The following DPH6 variants were observed in gnomAD, a reference collection of about 807,000 sequenced individuals.
DPH6 encodes diphthamine biosynthesis 6.
DPH6 carries 33 observed loss-of-function variants against 38.2 expected under a neutral mutation model. The ratio of observed to expected loss-of-function variants is 0.86; its 90% CI spans 0.65 to 1.15. The LOEUF (loss-of-function observed/expected upper bound fraction) is 1.15, where lower values mean the gene tolerates loss of function less well. Among genes scored for constraint, DPH6 ranks in the 50% most tolerant of loss-of-function variants. The pLI is 0.00. For synonymous variants in DPH6, 108 were observed against 103.0 expected, an observed-to-expected ratio of 1.05 and a Z score of -0.30; for missense variants, 325 against 320.0, an observed-to-expected ratio of 1.02 and a Z score of -0.12.
At chr15:35,381,121 C>G (rs908473024) in intron 7 of DPH6, among the ~76,000 whole-genome samples, 2 of 152,078 alleles carry the variant, frequency 1.3e-5, no homozygotes, top group African/African-American at 2.4e-5. Flanking sequence ...AATACTGAAG[C>G]CTTCCATTCA....
chr15:35,361,938 T>A (rs2052617901), intron 3 of DPH6, among the ~76,000 whole-genome samples: 1 of 151,906 alleles, frequency 6.6e-6, no homozygotes, highest in Admixed American at 6.5e-5. Context: ...TAGATTTTCA[T>A]TTTTTCAGAG....
chr15:35,410,098 G>A (rs1441308027), intron 6 of DPH6, among the ~76,000 whole-genome samples: 1 of 151,782 alleles, frequency 6.6e-6, no homozygotes, highest in Middle Eastern at 3.2e-3. Flanking sequence ...AAAGCCTAGA[G>A]ACAATACTGA....
intron 3 of DPH6, among the ~76,000 whole-genome samples, chr15:35,363,060 G>A (rs1176480091): frequency 6.6e-6 from 1 of 152,018 alleles, no homozygotes; most frequent in Non-Finnish European, 1.5e-5. Context: ...ATGGCCCTGG[G>A]TATAACTAAC....
At chr15:35,469,700 G>A (rs115417539) in intron 3 of DPH6, among the ~76,000 whole-genome samples, 2 of 152,182 alleles carry the variant, frequency 1.3e-5, no homozygotes, top group Admixed American at 6.5e-5. Flanking sequence ...GTCATTCAAT[G>A]CAAGGTATCC....
At chr15:35,386,831 A>G (rs1247279481) in intron 6 of DPH6, among the ~76,000 whole-genome samples, 1 of 152,114 alleles carries the variant, frequency 6.6e-6, no homozygotes, top group African/African-American at 2.4e-5. Context: ...GCTGTGCAGA[A>G]GCTCTTTAGT....
chr15:35,283,177 CTCT>C (rs1472984594), intron 3 of DPH6, among the ~76,000 whole-genome samples: 2 of 146,588 alleles, frequency 1.4e-5, no homozygotes, highest in African/African-American at 2.6e-5. Context: ...CCCCCTCTTC[CTCT>C]TCTTTTTCTT....
chr15:35,508,633 T>C lies in DPH6; in HGVS notation c.312+29641A>G, dbSNP rs144633312. On this transcript the variant is annotated intron_variant, in intron 3 of 8. Coordinates refer to ENST00000256538, the MANE Select transcript of DPH6 (RefSeq NM_080650.4). ...TACTAATACCTAATCTTGAGCAAGG[T>C]AGGGCTATTTTTTAGCAATAGGATA... Among the ~76,000 whole-genome samples, 12 of 152,222 alleles carry C rather than the reference T, an allele frequency of 7.9e-5. No homozygotes were observed. The East Asian group carries it at 1.2e-3, about 15-fold the overall frequency.
At chr15:35,215,234 C>T (rs953728731), downstream of DPH6, among the ~76,000 whole-genome samples, 1 of 152,168 alleles carries the variant, frequency 6.6e-6, no homozygotes. Context: ...GAGTCCCTAA[C>T]AAATATTTAT....
chr15:35,478,975 T>C (rs1268598597), intron 3 of DPH6, among the ~76,000 whole-genome samples: 1 of 152,028 alleles, frequency 6.6e-6, no homozygotes, highest in Non-Finnish European at 1.5e-5. Flanking sequence ...AGAAACTAAA[T>C]CTGAAAAGAA....
intron 3 of DPH6, among the ~76,000 whole-genome samples, chr15:35,314,548 C>G (rs1400344824): frequency 6.6e-6 from 1 of 152,106 alleles, no homozygotes; most frequent in Non-Finnish European, 1.5e-5. Flanking sequence ...CGAGAAGTTT[C>G]ACAAAGGAGA....
intron 5 of DPH6, among the ~76,000 whole-genome samples, chr15:35,420,727 G>A (rs981321844): frequency 6.6e-6 from 1 of 152,028 alleles, no homozygotes; most frequent in Non-Finnish European, 1.5e-5. Flanking sequence ...GTATTGGCCA[G>A]GCTGGTCGCG....
chr15:35,494,850 A>G (rs1595415333), intron 3 of DPH6, among the ~76,000 whole-genome samples: 1 of 152,176 alleles, frequency 6.6e-6, no homozygotes, highest in Middle Eastern at 3.4e-3. Context: ...ATTTGGAAAA[A>G]GGGTTTATAA....
chr15:35,407,103 A>C lies in DPH6; in HGVS notation c.567+3732T>G, dbSNP rs184094163. Among the ~76,000 whole-genome samples, 3 of 152,166 alleles carry C rather than the reference A, an allele frequency of 2.0e-5. No homozygotes were observed. The East Asian group carries it at 5.8e-4, about 29-fold the overall frequency. On this transcript the variant is annotated intron_variant, in intron 6 of 8. Coordinates refer to ENST00000256538, the MANE Select transcript of DPH6 (RefSeq NM_080650.4). ...ACACACTCTTTCAGAGAAATCCAGA[A>C]AGACAGGAGCTGAAATGTGTCAGTG...
intron 3 of DPH6, among the ~76,000 whole-genome samples, chr15:35,511,265 TAA>T (rs1160210260): frequency 1.3e-5 from 2 of 152,000 alleles, no homozygotes; most frequent in African/African-American, 4.8e-5. Context: ...CCAGTGCTCA[TAA>T]AAAGACATAA....
intron 3 of DPH6, among the ~76,000 whole-genome samples, chr15:35,356,206 A>C (rs915918709): frequency 6.6e-6 from 1 of 152,152 alleles, no homozygotes; most frequent in Non-Finnish European, 1.5e-5. Context: ...CAAGGTTTTT[A>C]ACCTCTTTGC....
chr15:35,523,058 GCTT>G (rs1044435538), intron 3 of DPH6, among the ~76,000 whole-genome samples: 1 of 151,940 alleles, frequency 6.6e-6, no homozygotes, highest in Non-Finnish European at 1.5e-5. Context: ...AAGTGGAATT[GCTT>G]ATTACAGGAG....
intron 3 of DPH6, among the ~76,000 whole-genome samples, chr15:35,514,058 T>C (rs1199562113): frequency 2.0e-5 from 3 of 152,190 alleles, no homozygotes; most frequent in Non-Finnish European, 2.9e-5. Flanking sequence ...AAATTTGTTA[T>C]ATAAAACCAG....
intron 3 of DPH6, among the ~76,000 whole-genome samples, chr15:35,461,849 T>C (rs1305301233): frequency 6.6e-6 from 1 of 152,182 alleles, no homozygotes; most frequent in Non-Finnish European, 1.5e-5. Context: ...CTCTCTTCTA[T>C]ATAGAAGGAA....
At chr15:35,434,077 T>C (rs2053665109) in intron 5 of DPH6, among the ~76,000 whole-genome samples, 1 of 152,168 alleles carries the variant, frequency 6.6e-6, no homozygotes, top group Non-Finnish European at 1.5e-5. Flanking sequence ...ATCTCTACTA[T>C]CAGCTTATAA....
Sources: gnomAD v4.1 joint callset for allele counts (sites outside exome capture counted in the v4.1 genomes callset) on GRCh38, gnomAD v4.1.1 for gene constraint, MANE v1.5 for transcripts, NCBI Gene and HGNC (gene_info 2026-07-23, HGNC 2026-07-21) for gene names.